Variants in EFHD1 observed in about 807,000 individuals in gnomAD.
The protein encoded by EFHD1 is EF-hand domain family member D1.
Under a neutral mutation model 17.2 loss-of-function variants are expected in EFHD1, and 10 were observed. The ratio of observed to expected loss-of-function variants is 0.58; its 90% CI spans 0.36 to 0.99. EFHD1 has a LOEUF of 0.99. Ranked by LOEUF, EFHD1 falls within the 50% of genes least tolerant of loss-of-function variation. The probability of loss-of-function intolerance (pLI) is 0.01; values close to 1 mark genes in which losing one functional copy is unlikely to be tolerated. For missense variants in EFHD1, 310 were observed against 327.5 expected, an observed-to-expected ratio of 0.95 and a Z score of 0.41; for synonymous variants, 153 against 142.0, an observed-to-expected ratio of 1.08 and a Z score of -0.55.
rs1694245136 is a variant in EFHD1, at chr2:232,633,628, G to A, written c.-77G>A. 1 of 1,352,944 alleles carries A rather than the reference G, an allele frequency of 7.4e-7. No individual in the cohort carries two copies. 83.8% of individuals were successfully genotyped at this position (1,352,944 alleles called of 1,614,324 possible). On this transcript the variant is annotated 5_prime_UTR_variant, in exon 1 of 4. Coordinates refer to ENST00000264059, the MANE Select transcript of EFHD1 (RefSeq NM_025202.4). ...CGGAGTGTTGTAGAGCCTCGAGCCT[G>A]CGAGGAGCGCGCCGCCCGCCAGCTC...
chr2:232,625,512 G>A (rs935235821), intron 1 of EFHD1, among the ~76,000 whole-genome samples: 2 of 152,130 alleles, frequency 1.3e-5, no homozygotes, highest in African/African-American at 4.8e-5. Flanking sequence ...AAGCCGCTTA[G>A]GATGGGAGTC....
intron 1 of EFHD1, among the ~76,000 whole-genome samples, chr2:232,623,708 AAGAAG>A (rs1223547292): frequency 5.4e-5 from 8 of 147,482 alleles, no homozygotes; most frequent in African/African-American, 2.0e-4. Context: ...GAAGAAGAAG[AAGAAG>A]AAGAAAGAAA....
chr2:232,635,681 T>C (rs1056992265), intron 1 of EFHD1, among the ~76,000 whole-genome samples: 4 of 151,554 alleles, frequency 2.6e-5, no homozygotes, highest in Non-Finnish European at 5.9e-5. Flanking sequence ...TAGCCGGGAG[T>C]GGTGGCGCGG....
intron 1 of EFHD1, among the ~76,000 whole-genome samples, chr2:232,646,436 C>CTT (rs71398729): frequency 0.067 from 4,474 of 67,196 alleles, 1,065 homozygotes; most frequent in South Asian, 0.19. Flanking sequence ...CTCTTCTCTT[C>CTT]TTTTTTTTTT....
intron 1 of EFHD1, among the ~76,000 whole-genome samples, chr2:232,616,033 T>C (rs1186266412): frequency 6.6e-6 from 1 of 152,170 alleles, no homozygotes; most frequent in Non-Finnish European, 1.5e-5. Flanking sequence ...CAGCCGTTTG[T>C]TGTGGTATAA....
At chr2:232,651,778 C>T (rs1026431211) in intron 1 of EFHD1, among the ~76,000 whole-genome samples, 89 of 152,170 alleles carry the variant, frequency 5.8e-4, no homozygotes, top group African/African-American at 2.1e-3. Flanking sequence ...GCCGAGATTG[C>T]GCCACTGCAC....
intron 1 of EFHD1, among the ~76,000 whole-genome samples, chr2:232,616,089 G>A (rs372650875): frequency 1.3e-5 from 2 of 152,028 alleles, no homozygotes; most frequent in Non-Finnish European, 2.9e-5. Context: ...GTTCATAGCC[G>A]ACTTACTCAC....
intron 2 of EFHD1, among the ~76,000 whole-genome samples, chr2:232,665,241 C>A (rs891273949): frequency 6.6e-6 from 1 of 152,216 alleles, no homozygotes; most frequent in African/African-American, 2.4e-5. Flanking sequence ...CACAGCTGAT[C>A]CCCAAATGGC....
At chr2:232,616,814 T>C (rs1371792167) in intron 1 of EFHD1, among the ~76,000 whole-genome samples, 1 of 137,844 alleles carries the variant, frequency 7.3e-6, no homozygotes, top group Non-Finnish European at 1.7e-5. Flanking sequence ...ATGGTTAAGA[T>C]GATGGTAAAT....
Position 232,681,767 on chromosome 2 carries a change from C to T in EFHD1, c.*48C>T, listed in dbSNP as rs372198519. On this transcript the variant is annotated 3_prime_UTR_variant, in exon 4 of 4. Coordinates refer to ENST00000264059, the MANE Select transcript of EFHD1 (RefSeq NM_025202.4). ...CCACAGCTGTGCCTCACAGATGCCC[C>T]GAGAAGAGATGACTAGGCATCTTCA... 6.3e-5 allele frequency: 100 copies of T among 1,592,320 alleles called. No homozygotes were observed. Among genetic ancestry groups the T allele is most frequent in the Non-Finnish European group, 7.0e-5 (82 of 1,169,370 alleles).
At chr2:232,650,052 C>T (rs772581158) in intron 1 of EFHD1, 1 of 152,306 alleles carries the variant, frequency 6.6e-6, no homozygotes, top group Non-Finnish European at 1.5e-5. Context: ...GGGTCAGAAG[C>T]AGCAGGTCAA....
At chr2:232,678,103 T>C (rs909024650) in intron 3 of EFHD1, among the ~76,000 whole-genome samples, 3 of 151,322 alleles carry the variant, frequency 2.0e-5, no homozygotes, top group African/African-American at 7.3e-5. Flanking sequence ...GCCAACATGG[T>C]GAAACCCTGT....
At chr2:232,647,668 C>CTTTT (rs1553599478) in intron 1 of EFHD1, among the ~76,000 whole-genome samples, 1 of 118,226 alleles carries the variant, frequency 8.5e-6, no homozygotes. Flanking sequence ...CGGAGTTTTG[C>CTTTT]TCTTGTCGCC....
upstream of EFHD1, among the ~76,000 whole-genome samples, chr2:232,629,774 A>T (rs1266688824): frequency 1.3e-5 from 2 of 152,222 alleles, no homozygotes; most frequent in East Asian, 3.9e-4. Context: ...CGGCCAAAAA[A>T]AAATGAGAAT....
At chr2:232,659,209 A>G (rs1229873704) in intron 1 of EFHD1, among the ~76,000 whole-genome samples, 2 of 152,128 alleles carry the variant, frequency 1.3e-5, no homozygotes, top group African/African-American at 4.8e-5. Flanking sequence ...TTTGCAATGT[A>G]GCTCTGCCAG....
In EFHD1 at chr2:232,662,881, C is replaced by T. The variant is rs1309007111; in HGVS notation, c.382C>T (p.His128Tyr). 4 of 1,595,662 alleles carry T rather than the reference C, an allele frequency of 2.5e-6. No homozygotes were observed. The South Asian group carries it at 3.4e-5, about 14-fold the overall frequency. Residue 128 changes from histidine to tyrosine, a missense_variant, in exon 2 of 4, where the codon CAC becomes TAC. His to Tyr is a moderately conservative substitution (Grantham distance 83). Coordinates refer to ENST00000264059, the MANE Select transcript of EFHD1 (RefSeq NM_025202.4). Reference protein sequence around the residue: ...MMEKLGAPQTHLGLKSMIKEV... With the variant: ...MMEKLGAPQTYLGLKSMIKEV... ...GGAGAAGCTGGGGGCCCCCCAGACC[C>T]ACCTGGGCCTGAAGAGCATGATCAA... is the stretch of plus-strand genomic sequence containing the variant.
intron 1 of EFHD1, among the ~76,000 whole-genome samples, chr2:232,651,208 A>C (rs1306258562): frequency 6.6e-6 from 1 of 152,142 alleles, no homozygotes; most frequent in Non-Finnish European, 1.5e-5. Context: ...TCCCACTTTC[A>C]GGAGCTCTGG....
intron 2 of EFHD1, among the ~76,000 whole-genome samples, chr2:232,669,505 G>A (rs1383721644): frequency 2.6e-5 from 4 of 152,012 alleles, no homozygotes; most frequent in Non-Finnish European, 4.4e-5. Flanking sequence ...TGAGAGCCTC[G>A]GCAGTAATGA....
chr2:232,607,213 A>C (rs1693732450), intron 1 of EFHD1, among the ~76,000 whole-genome samples: 1 of 151,932 alleles, frequency 6.6e-6, no homozygotes, highest in South Asian at 2.1e-4. Flanking sequence ...AAGCCAGGGC[A>C]GTCGGATCAC....
Sources: gnomAD v4.1 joint callset for allele counts (sites outside exome capture counted in the v4.1 genomes callset) on GRCh38, gnomAD v4.1.1 for gene constraint, MANE v1.5 for transcripts, NCBI Gene and HGNC (gene_info 2026-07-23, HGNC 2026-07-21) for gene names.